LRP1B: variants seen among roughly 807,000 people sequenced by gnomAD.
LRP1B encodes LDL receptor related protein 1B.
In LRP1B, 217 loss-of-function variants were observed where a neutral mutation model predicts 556.6. The observed-to-expected ratio is 0.39, with a 90% CI of 0.35 to 0.44. The LOEUF is 0.44. Among genes scored for constraint, LRP1B ranks in the 20% least tolerant of loss-of-function variants. The pLI, the probability that LRP1B is intolerant of heterozygous loss-of-function variation, is 1.00. For missense variants in LRP1B, 5,053 were observed against 5,620.8 expected, an observed-to-expected ratio of 0.90 and a Z score of 3.23; for synonymous variants, 2,047 against 1,865.8, an observed-to-expected ratio of 1.10 and a Z score of -2.50.
intron 43 of LRP1B, among the ~76,000 whole-genome samples, chr2:140,545,330 T>C (rs1160945751): frequency 6.6e-6 from 1 of 152,092 alleles, no homozygotes; most frequent in Non-Finnish European, 1.5e-5. Flanking sequence ...TTGCAATTGC[T>C]TTTGGTGCCT....
chr2:141,015,540 A>G (rs1697877145), intron 13 of LRP1B, among the ~76,000 whole-genome samples, 156 bp downstream of exon 13: 2 of 152,034 alleles, frequency 1.3e-5, no homozygotes, highest in African/African-American at 4.8e-5. Context: ...CAGCTGCACT[A>G]CTTAATGCTC....
intron 18 of LRP1B, among the ~76,000 whole-genome samples, chr2:140,961,818 A>G (rs1232649126): frequency 6.6e-6 from 1 of 152,150 alleles, no homozygotes; most frequent in Non-Finnish European, 1.5e-5. Context: ...TCTAGTCAAG[A>G]GGAAGTCAAG....
At chr2:140,919,429 T>G (rs1249550862) in intron 21 of LRP1B, among the ~76,000 whole-genome samples, 1 of 152,144 alleles carries the variant, frequency 6.6e-6, no homozygotes, top group Non-Finnish European at 1.5e-5. Flanking sequence ...GGCACATGAC[T>G]TCATTCAAGT....
intron 7 of LRP1B, among the ~76,000 whole-genome samples, chr2:141,178,997 G>T (rs112123082): frequency 8.5e-5 from 13 of 152,114 alleles, no homozygotes; most frequent in African/African-American, 2.9e-4. Flanking sequence ...AAATACCGTT[G>T]TTATAAGAAG....
At chr2:140,345,321 C>T (rs1018094959) in intron 77 of LRP1B, among the ~76,000 whole-genome samples, 1 of 151,656 alleles carries the variant, frequency 6.6e-6, no homozygotes, top group Non-Finnish European at 1.5e-5. Context: ...TTGAACACTT[C>T]TTTGTCCTCA....
intron 1 of LRP1B, among the ~76,000 whole-genome samples, chr2:141,929,520 C>T (rs1241727803): frequency 2.0e-5 from 3 of 151,946 alleles, no homozygotes; most frequent in African/African-American, 2.4e-5. Flanking sequence ...CGTAGGTATG[C>T]ATTTCCTCAG....
intron 66 of LRP1B, among the ~76,000 whole-genome samples, chr2:140,421,507 G>T (rs761261599): frequency 6.6e-6 from 1 of 151,946 alleles, no homozygotes; most frequent in Non-Finnish European, 1.5e-5. Flanking sequence ...GACAAGAAAT[G>T]CAAGATTTCA....
intron 2 of LRP1B, among the ~76,000 whole-genome samples, chr2:141,495,442 T>A: frequency 6.6e-6 from 1 of 152,022 alleles, no homozygotes; most frequent in Non-Finnish European, 1.5e-5. Flanking sequence ...GAATGGAAAA[T>A]CAGGCACTGG....
chr2:141,460,173 C>G (rs766946622), intron 3 of LRP1B, among the ~76,000 whole-genome samples: 1 of 152,092 alleles, frequency 6.6e-6, no homozygotes, highest in Non-Finnish European at 1.5e-5. Flanking sequence ...GTATTTTCTT[C>G]CCTTAAAAAA....
intron 3 of LRP1B, among the ~76,000 whole-genome samples, chr2:141,421,435 A>T (rs1680137556): frequency 6.7e-6 from 1 of 149,858 alleles, no homozygotes; most frequent in South Asian, 2.1e-4. Context: ...AGGCTGAGGC[A>T]GGAGAATGGC....
intron 20 of LRP1B, among the ~76,000 whole-genome samples, chr2:140,932,754 C>A (rs1023666181): frequency 6.6e-6 from 1 of 150,658 alleles, no homozygotes; most frequent in Non-Finnish European, 1.5e-5. Flanking sequence ...TGGCATGCAC[C>A]TGTAGTCCCA....
chr2:141,933,817 T>A (rs756514043), intron 1 of LRP1B, among the ~76,000 whole-genome samples: 1 of 152,160 alleles, frequency 6.6e-6, no homozygotes, highest in South Asian at 2.1e-4. Context: ...TCTAAATGAA[T>A]GCTTCTTTAG....
chr2:140,473,418 A>G (rs1247701123), intron 60 of LRP1B, among the ~76,000 whole-genome samples: 3 of 151,948 alleles, frequency 2.0e-5, no homozygotes, highest in Non-Finnish European at 4.4e-5. Flanking sequence ...TATTTAATAC[A>G]TTTAGTACCA....
At chr2:142,124,587 A>T (rs1355035776) in intron 1 of LRP1B, among the ~76,000 whole-genome samples, 1 of 149,180 alleles carries the variant, frequency 6.7e-6, no homozygotes, top group Non-Finnish European at 1.5e-5. Context: ...AAAAGTAAAG[A>T]CAAAAAGAAA....
intron 7 of LRP1B, among the ~76,000 whole-genome samples, chr2:141,117,964 T>A (rs919243163): frequency 2.0e-5 from 3 of 151,964 alleles, no homozygotes; most frequent in Non-Finnish European, 4.4e-5. Context: ...TATGTCTTCC[T>A]TGCTCCAATA....
intron 7 of LRP1B, among the ~76,000 whole-genome samples, chr2:141,081,896 A>C (rs780155025): frequency 2.0e-5 from 3 of 152,162 alleles, no homozygotes; most frequent in Non-Finnish European, 4.4e-5. Flanking sequence ...TATAAACTGA[A>C]TCTGTGGAGA....
intron 2 of LRP1B, among the ~76,000 whole-genome samples, chr2:141,767,482 T>C (rs1694765675): frequency 6.6e-6 from 1 of 152,162 alleles, no homozygotes; most frequent in Non-Finnish European, 1.5e-5. Flanking sequence ...TTTTATCTTC[T>C]CTTAGGACTT....
chr2:140,494,584 G>A (rs1451800423), intron 56 of LRP1B, among the ~76,000 whole-genome samples: 1 of 144,490 alleles, frequency 6.9e-6, no homozygotes, highest in African/African-American at 2.6e-5. Context: ...TCCAGCCTGG[G>A]TGACAGAGCG....
intron 1 of LRP1B, among the ~76,000 whole-genome samples, chr2:141,822,620 AT>A (rs1558899707): frequency 6.6e-6 from 1 of 152,110 alleles, no homozygotes; most frequent in East Asian, 1.9e-4. Flanking sequence ...TCTCCTATCT[AT>A]TATGCTGTGT....
Sources: gnomAD v4.1 joint callset for allele counts (sites outside exome capture counted in the v4.1 genomes callset) on GRCh38, gnomAD v4.1.1 for gene constraint, MANE v1.5 for transcripts, NCBI Gene and HGNC (gene_info 2026-07-23, HGNC 2026-07-21) for gene names.